Variants in FNDC3B observed in about 807,000 individuals in gnomAD.
FNDC3B encodes fibronectin type III domain-containing protein 3B.
In FNDC3B, 12 loss-of-function variants were observed where a neutral mutation model predicts 151.5. The observed-to-expected ratio is 0.08, with a 90% confidence interval of 0.05 to 0.13. FNDC3B has a LOEUF of 0.13. Among genes scored for constraint, FNDC3B ranks in the 10% least tolerant of loss-of-function variants. FNDC3B has a pLI of 1.00. For missense variants in FNDC3B, 1,214 were observed against 1,505.3 expected (o/e 0.81, Z 3.20); for synonymous variants, 528 against 549.0 (o/e 0.96, Z 0.54).
chr3:172,111,859 A>C (rs1168595878), intron 1 of FNDC3B, among the ~76,000 whole-genome samples: 1 of 152,156 alleles, frequency 6.6e-6, no homozygotes, highest in Non-Finnish European at 1.5e-5. Flanking sequence ...ACTGCGAGCT[A>C]TATGGCAATT....
At chr3:172,267,356 A>G (rs970569439) in intron 6 of FNDC3B, among the ~76,000 whole-genome samples, 1 of 152,006 alleles carries the variant, frequency 6.6e-6, no homozygotes, top group Non-Finnish European at 1.5e-5. Flanking sequence ...GGGTTTCACC[A>G]TGTTGCCCAG....
chr3:172,094,547 G>T (rs2108514858), intron 1 of FNDC3B, among the ~76,000 whole-genome samples: 1 of 152,206 alleles, frequency 6.6e-6, no homozygotes, highest in South Asian at 2.1e-4. Context: ...TCCATAAAAT[G>T]GATACATTTT....
chr3:172,239,852 A>ATTTTTT (rs1727389634), intron 4 of FNDC3B, among the ~76,000 whole-genome samples: 2 of 80,838 alleles, frequency 2.5e-5, no homozygotes, highest in African/African-American at 1.0e-4. Flanking sequence ...GATCCATTTT[A>ATTTTTT]GTTCTTTTTT....
chr3:172,141,155 A>C (rs1421552072), intron 3 of FNDC3B, among the ~76,000 whole-genome samples: 1 of 151,988 alleles, frequency 6.6e-6, no homozygotes, highest in African/African-American at 2.4e-5. Flanking sequence ...TCCCCCCCCT[A>C]AATAGATGGC....
At chr3:172,351,595 A>G (rs1733857460) in intron 21 of FNDC3B, among the ~76,000 whole-genome samples, 1 of 152,232 alleles carries the variant, frequency 6.6e-6, no homozygotes, top group Non-Finnish European at 1.5e-5. Context: ...ATCCTGATTC[A>G]TATTTTCACT....
At chr3:172,310,752 A>ATG in intron 10 of FNDC3B, 76 bp from the exon 11 acceptor site, 2 of 1,028,474 alleles carry the variant, frequency 1.9e-6, no homozygotes, top group South Asian at 2.5e-5. Flanking sequence ...TAGACACTGT[A>ATG]TGTGAGCCAG....
At chr3:172,046,803 C>T (rs1483511191) in intron 1 of FNDC3B, 1 of 152,100 alleles carries the variant, frequency 6.6e-6, no homozygotes, top group Non-Finnish European at 1.5e-5. Flanking sequence ...AATTTCATTT[C>T]AGTTACTTGT....
chr3:172,315,827 A>G (rs971769872), intron 11 of FNDC3B, among the ~76,000 whole-genome samples: 1 of 151,620 alleles, frequency 6.6e-6, no homozygotes, highest in South Asian at 2.1e-4. Context: ...TTCAAGGTAT[A>G]GGTTCTTTCC....
intron 3 of FNDC3B, among the ~76,000 whole-genome samples, chr3:172,206,994 G>C (rs1725466695): frequency 6.6e-6 from 1 of 151,936 alleles, no homozygotes; most frequent in Admixed American, 6.6e-5. Context: ...TGTATGTATT[G>C]GACCTGTTTT....
chr3:172,120,950 G>A (rs768208500), intron 2 of FNDC3B, among the ~76,000 whole-genome samples: 121 of 151,856 alleles, frequency 8.0e-4, no homozygotes, highest in Non-Finnish European at 1.5e-3. Context: ...GGCAACAAGA[G>A]CAAAACTCTG....
At chr3:172,341,406 A>G (rs1236775194) in intron 17 of FNDC3B, among the ~76,000 whole-genome samples, 175 bp downstream of exon 17, 1 of 152,240 alleles carries the variant, frequency 6.6e-6, no homozygotes, top group East Asian at 1.9e-4. Flanking sequence ...GGTATAAGAT[A>G]GGCCTAAATG....
At chr3:172,289,604 A>G (rs1211410289) in intron 7 of FNDC3B, among the ~76,000 whole-genome samples, 1 of 151,804 alleles carries the variant, frequency 6.6e-6, no homozygotes, top group East Asian at 1.9e-4. Context: ...CTTGTTTGTG[A>G]TTGTGTGTTA....
At chr3:172,247,232 A>G (rs950366443) in intron 4 of FNDC3B, among the ~76,000 whole-genome samples, 4 of 152,246 alleles carry the variant, frequency 2.6e-5, no homozygotes, top group African/African-American at 9.6e-5. Context: ...TCTTGGATGA[A>G]GCCAGTGAAA....
intron 15 of FNDC3B, among the ~76,000 whole-genome samples, chr3:172,336,565 A>G (rs1281066774): frequency 2.0e-5 from 3 of 152,326 alleles, no homozygotes; most frequent in South Asian, 2.1e-4. Flanking sequence ...TATTTTGTCA[A>G]TAAATTTTGT....
At chr3:172,077,269 AT>A (rs763154299) in intron 1 of FNDC3B, among the ~76,000 whole-genome samples, 4 of 152,086 alleles carry the variant, frequency 2.6e-5, no homozygotes, top group Admixed American at 2.0e-4. Flanking sequence ...AACTAGTCTG[AT>A]TTTTTTTCCT....
At chr3:172,143,070 G>A (rs1291528183) in intron 3 of FNDC3B, among the ~76,000 whole-genome samples, 1 of 152,032 alleles carries the variant, frequency 6.6e-6, no homozygotes, top group Non-Finnish European at 1.5e-5. Flanking sequence ...TCACCTTTGG[G>A]GTTAGAATTT....
At chr3:172,051,276 G>C (rs988225530) in intron 1 of FNDC3B, among the ~76,000 whole-genome samples, 1 of 151,330 alleles carries the variant, frequency 6.6e-6, no homozygotes, top group African/African-American at 2.4e-5. Context: ...TTTTAGTAGA[G>C]ATGGGGTTTC....
intron 6 of FNDC3B, among the ~76,000 whole-genome samples, chr3:172,271,946 A>G (rs1372906484): frequency 6.6e-6 from 1 of 152,222 alleles, no homozygotes; most frequent in Admixed American, 6.5e-5. Context: ...TATGTAGCCT[A>G]AGATATGGTC....
chr3:172,141,360 C>A (rs1721623383), intron 3 of FNDC3B, among the ~76,000 whole-genome samples: 1 of 152,108 alleles, frequency 6.6e-6, no homozygotes, highest in Admixed American at 6.5e-5. Context: ...AACAATGGGT[C>A]CAGTGTTCCA....
Sources: gnomAD v4.1 joint callset for allele counts (sites outside exome capture counted in the v4.1 genomes callset) on GRCh38, gnomAD v4.1.1 for gene constraint, MANE v1.5 for transcripts, NCBI Gene and HGNC (gene_info 2026-07-23, HGNC 2026-07-21) for gene names.